The following ANXA6 variants were observed in gnomAD, a reference collection of about 807,000 sequenced individuals.
ANXA6 encodes the protein annexin A6.
ANXA6 carries 71 observed loss-of-function variants against 95.4 expected under a neutral mutation model. That is an observed-to-expected ratio of 0.74 (90% CI 0.61 to 0.91). The LOEUF (loss-of-function observed/expected upper bound fraction) is 0.91, where lower values mean the gene tolerates loss of function less well. Among genes scored for constraint, ANXA6 ranks in the 40% least tolerant of loss-of-function variants. The pLI, the probability that ANXA6 is intolerant of heterozygous loss-of-function variation, is 0.00. For missense variants in ANXA6, 830 were observed against 876.4 expected (o/e 0.95, Z 0.67); for synonymous variants, 289 against 315.9 (o/e 0.91, Z 0.90).
At chr5:151,142,196 G>T (rs1765857455) in intron 2 of ANXA6, among the ~76,000 whole-genome samples, 1 of 152,224 alleles carries the variant, frequency 6.6e-6, no homozygotes, top group African/African-American at 2.4e-5. Context: ...GAAACAAGAG[G>T]TGCCTGGGCA....
At chr5:151,130,237 T>G (rs1190533010) in intron 11 of ANXA6, among the ~76,000 whole-genome samples, 1 of 151,998 alleles carries the variant, frequency 6.6e-6, no homozygotes, top group Non-Finnish European at 1.5e-5. Flanking sequence ...TTTTTTCTTT[T>G]TCTTTTTTTT....
chr5:151,132,725 C>T (rs142450084), intron 9 of ANXA6, among the ~76,000 whole-genome samples, 154 bp from the exon 10 acceptor site: 21 of 152,062 alleles, frequency 1.4e-4, no homozygotes, highest in Non-Finnish European at 2.8e-4. Flanking sequence ...GGAGGTCACG[C>T]ACATCACCAG....
At chr5:151,145,343 C>G (rs1479478617) in intron 2 of ANXA6, among the ~76,000 whole-genome samples, 1 of 152,212 alleles carries the variant, frequency 6.6e-6, no homozygotes, top group Non-Finnish European at 1.5e-5. Flanking sequence ...TCCTAGAAGT[C>G]CCAGGCACAA....
chr5:151,141,481 C>A (rs1175674009), intron 2 of ANXA6: 2 of 982,604 alleles, frequency 2.0e-6, no homozygotes, highest in Non-Finnish European at 2.4e-6. Flanking sequence ...TGCGGGAAAT[C>A]AGGAAAGAAT....
At chr5:151,123,075 G>T in intron 15 of ANXA6, 64 bp from the exon 16 acceptor site, 3 of 1,327,098 alleles carry the variant, frequency 2.3e-6, no homozygotes, top group Admixed American at 3.4e-5. Flanking sequence ...CCCATGCACC[G>T]CCCACTGATG....
chr5:151,155,157 T>C (rs972950381), intron 1 of ANXA6: 11 of 152,112 alleles, frequency 7.2e-5, no homozygotes, highest in Non-Finnish European at 7.4e-5. Flanking sequence ...GTCTGCAAAA[T>C]AGGCATTAAT....
intron 18 of ANXA6, 64 bp downstream of exon 18, chr5:151,119,235 TG>T: frequency 7.4e-7 from 1 of 1,348,590 alleles, no homozygotes; most frequent in Non-Finnish European, 1.1e-6. Flanking sequence ...AGCTGTGGGC[TG>T]GGGTTGGAAG....
At chr5:151,135,021 C>A (rs903057517) in intron 7 of ANXA6, among the ~76,000 whole-genome samples, 3 of 152,216 alleles carry the variant, frequency 2.0e-5, no homozygotes, top group African/African-American at 7.2e-5. Flanking sequence ...GTTGTTCTGC[C>A]CATGCCCTTT....
chr5:151,157,372 AC>A (rs943187100), intron 1 of ANXA6, among the ~76,000 whole-genome samples: 1 of 151,626 alleles, frequency 6.6e-6, no homozygotes, highest in Non-Finnish European at 1.5e-5. Flanking sequence ...GGCCGGCAGG[AC>A]CAGCCCCTGG....
At chr5:151,124,095 T>C (rs920003395) in intron 15 of ANXA6, among the ~76,000 whole-genome samples, 191 bp downstream of exon 15, 3 of 152,138 alleles carry the variant, frequency 2.0e-5, no homozygotes, top group Non-Finnish European at 4.4e-5. Context: ...TTCTGCCAAG[T>C]TCCTTATGAA....
chr5:151,115,165 A>G (rs1764962633), intron 20 of ANXA6, among the ~76,000 whole-genome samples: 2 of 152,370 alleles, frequency 1.3e-5, no homozygotes, highest in South Asian at 4.1e-4. Flanking sequence ...TTCACATAGT[A>G]TTAATTTTTA....
intron 8 of ANXA6, among the ~76,000 whole-genome samples, chr5:151,133,803 G>A (rs900542449): frequency 2.6e-5 from 4 of 152,026 alleles, no homozygotes; most frequent in Non-Finnish European, 2.9e-5. Flanking sequence ...AGTACTTCCC[G>A]ATGCCCCCAG....
chr5:151,151,255 G>A (rs1308859597), intron 1 of ANXA6: 1 of 152,248 alleles, frequency 6.6e-6, no homozygotes, highest in Non-Finnish European at 1.5e-5. Flanking sequence ...CTGGCTTTAA[G>A]ATGGCTTCTG....
chr5:151,105,112 G>A, intron 24 of ANXA6, 133 bp downstream of exon 24: 1 of 864,972 alleles, frequency 1.2e-6, no homozygotes, highest in Non-Finnish European at 1.9e-6. Context: ...GACAAGGGCA[G>A]ATGCTAATAA....
intron 2 of ANXA6, among the ~76,000 whole-genome samples, chr5:151,144,249 T>C (rs1029758003): frequency 5.3e-5 from 8 of 152,342 alleles, no homozygotes; most frequent in Middle Eastern, 3.4e-3. Context: ...CCCTAGTATC[T>C]GGCATTCTTT....
chr5:151,126,112 C>T (rs17659056), intron 14 of ANXA6, among the ~76,000 whole-genome samples: 12,901 of 152,198 alleles, frequency 0.085, 671 homozygotes, highest in South Asian at 0.13. Context: ...CCAACTGTTT[C>T]GACTCCAGAC....
chr5:151,117,903 T>C lies in ANXA6; in HGVS notation c.1439-66A>G. ...AAGGATTTGGTTGCGGGGAGGGAGG[T>C]CCAGGAAACTCAGGCTTGAGCCAGG... On this transcript the variant is annotated intron_variant, in intron 18 of 25. Transcript: ENST00000354546. 2.2e-6 allele frequency: 3 copies of C among 1,349,676 alleles called. No individual in the cohort carries two copies. The Admixed American group carries it at 5.4e-5, about 24-fold the overall frequency. 83.6% of individuals were successfully genotyped at this position (1,349,676 alleles called of 1,614,324 possible).
Position 151,134,506 on chromosome 5 carries a change from T to C in ANXA6, c.490-23A>G, listed in dbSNP as rs1765603699. The C allele has an allele frequency of 1.6e-5, 26 of 1,613,672 alleles. No homozygotes were observed. The East Asian group carries it at 5.1e-4, about 32-fold the overall frequency. On this transcript the variant is annotated intron_variant, in intron 7 of 25. Transcript: ENST00000354546. ...TCCCTGGGCAGAAAGACAAAGAACA[T>C]GTGTTTCAAACACTGCAAAGTCAGG...
At chr5:151,102,896 C>T (rs1764587503) in intron 25 of ANXA6, among the ~76,000 whole-genome samples, 1 of 152,118 alleles carries the variant, frequency 6.6e-6, no homozygotes, top group Non-Finnish European at 1.5e-5. Context: ...TGGAAACCAG[C>T]TGCATTATGG....
Sources: allele counts gnomAD v4.1 joint callset (sites outside exome capture counted in the v4.1 genomes callset), GRCh38; gene constraint gnomAD v4.1.1; transcripts MANE v1.5; gene names NCBI Gene and HGNC (gene_info 2026-07-23, HGNC 2026-07-21).